Variants in TMTC2 observed in about 807,000 individuals in gnomAD.
TMTC2 encodes transmembrane O-mannosyltransferase targeting cadherins 2, also known as protein O-mannosyl-transferase TMTC2.
In TMTC2, 43 loss-of-function variants were observed where a neutral mutation model predicts 82.4. That is an observed-to-expected ratio of 0.52 (90% CI 0.41 to 0.67). TMTC2 has a LOEUF of 0.67. Ranked by LOEUF, TMTC2 falls within the 30% of genes least tolerant of loss-of-function variation. The probability of loss-of-function intolerance (pLI) is 0.00; values close to 1 mark genes in which losing one functional copy is unlikely to be tolerated. For missense variants in TMTC2, 919 were observed against 1,012.4 expected, an observed-to-expected ratio of 0.91 and a Z score of 1.25; for synonymous variants, 408 against 381.9, an observed-to-expected ratio of 1.07 and a Z score of -0.80.
intron 1 of TMTC2, among the ~76,000 whole-genome samples, chr12:82,765,523 A>G (rs2136986995): frequency 6.6e-6 from 1 of 152,160 alleles, no homozygotes; most frequent in South Asian, 2.1e-4. Flanking sequence ...ACAAATACAA[A>G]ATTAGCTGGG....
intron 8 of TMTC2, among the ~76,000 whole-genome samples, chr12:83,006,502 C>T (rs1880210986): frequency 6.6e-6 from 1 of 152,080 alleles, no homozygotes; most frequent in South Asian, 2.1e-4. Context: ...GCTGAATTTA[C>T]CTTTAAAAAA....
chr12:82,900,950 T>C (rs1223415270), intron 3 of TMTC2, among the ~76,000 whole-genome samples: 7 of 79,456 alleles, frequency 8.8e-5, no homozygotes, highest in Admixed American at 3.6e-4. Context: ...TATATATATA[T>C]CTGGAATATA....
At chr12:82,978,565 T>C (rs916832986) in intron 7 of TMTC2, among the ~76,000 whole-genome samples, 1 of 151,792 alleles carries the variant, frequency 6.6e-6, no homozygotes, top group African/African-American at 2.4e-5. Context: ...TTGATATAAT[T>C]TAAGGTTTTT....
At chr12:82,758,532 C>A (rs1876456941) in intron 1 of TMTC2, 1 of 152,068 alleles carries the variant, frequency 6.6e-6, no homozygotes, top group Non-Finnish European at 1.5e-5. Context: ...TCTGCAGTTC[C>A]ATTCCTAGGC....
At chr12:82,781,367 C>T (rs187799635) in intron 1 of TMTC2, among the ~76,000 whole-genome samples, 9 of 146,790 alleles carry the variant, frequency 6.1e-5, no homozygotes, top group African/African-American at 2.0e-4. Context: ...TTCTTTGTCA[C>T]GTTTGAATAG....
chr12:82,811,319 C>G (rs1868375322), intron 1 of TMTC2, among the ~76,000 whole-genome samples: 1 of 152,020 alleles, frequency 6.6e-6, no homozygotes, highest in African/African-American at 2.4e-5. Context: ...AATACAAGCA[C>G]CTATTTTGTA....
At chr12:82,945,475 C>T (rs968968576) in intron 4 of TMTC2, among the ~76,000 whole-genome samples, 2 of 152,134 alleles carry the variant, frequency 1.3e-5, no homozygotes, top group African/African-American at 4.8e-5. Flanking sequence ...ATAATCACAT[C>T]CTGTTTTAAT....
At chr12:82,802,403 G>T (rs2137037956) in intron 1 of TMTC2, among the ~76,000 whole-genome samples, 1 of 152,304 alleles carries the variant, frequency 6.6e-6, no homozygotes, top group South Asian at 2.1e-4. Context: ...CCACAGTGCA[G>T]TGGTGGGCTG....
At chr12:82,917,697 G>C (rs1875084812) in intron 3 of TMTC2, among the ~76,000 whole-genome samples, 2 of 151,762 alleles carry the variant, frequency 1.3e-5, no homozygotes, top group Non-Finnish European at 2.9e-5. Flanking sequence ...CGCCTCCAGG[G>C]TTCATGCCAT....
chr12:83,123,105 T>C (rs1885006280), intron 11 of TMTC2, among the ~76,000 whole-genome samples: 1 of 152,184 alleles, frequency 6.6e-6, no homozygotes, highest in Non-Finnish European at 1.5e-5. Context: ...GCCATAGAAA[T>C]GTATAACACC....
chr12:83,074,282 G>T (rs546475144), intron 11 of TMTC2, among the ~76,000 whole-genome samples: 1 of 152,100 alleles, frequency 6.6e-6, no homozygotes, highest in African/African-American at 2.4e-5. Flanking sequence ...ACCAGGCTCC[G>T]TGCTGGTACT....
intron 1 of TMTC2, among the ~76,000 whole-genome samples, chr12:82,801,884 A>G (rs1879024077): frequency 6.6e-6 from 1 of 152,158 alleles, no homozygotes; most frequent in Non-Finnish European, 1.5e-5. Context: ...TGAGCTAGAT[A>G]CAGAGTGCTG....
chr12:83,043,536 A>C (rs1881975036), intron 9 of TMTC2, among the ~76,000 whole-genome samples: 1 of 152,206 alleles, frequency 6.6e-6, no homozygotes, highest in Non-Finnish European at 1.5e-5. Context: ...GTTCTGTTTC[A>C]TGATCCAGCT....
intron 1 of TMTC2, among the ~76,000 whole-genome samples, chr12:82,768,586 T>G (rs892042753): frequency 1.3e-5 from 2 of 152,320 alleles, no homozygotes; most frequent in Middle Eastern, 3.4e-3. Context: ...GGGAGTTTTC[T>G]GGCAGTGAGT....
chr12:82,692,707 T>G (rs912241536), intron 1 of TMTC2, among the ~76,000 whole-genome samples: 3 of 152,210 alleles, frequency 2.0e-5, no homozygotes, highest in Non-Finnish European at 4.4e-5. Flanking sequence ...CTTATTTTAA[T>G]GGCTTCACAA....
At chr12:83,005,370 G>A (rs1329199066) in intron 8 of TMTC2, among the ~76,000 whole-genome samples, 2 of 151,454 alleles carry the variant, frequency 1.3e-5, no homozygotes, top group Non-Finnish European at 2.9e-5. Context: ...TGGCCGATTG[G>A]CTCCTAGCCT....
At chr12:82,735,500 C>G (rs186443522) in intron 1 of TMTC2, among the ~76,000 whole-genome samples, 1 of 151,852 alleles carries the variant, frequency 6.6e-6, no homozygotes, top group African/African-American at 2.4e-5. Flanking sequence ...CGCCCGCCAC[C>G]ACGCCCGGCT....
intron 1 of TMTC2, among the ~76,000 whole-genome samples, chr12:82,762,206 A>T (rs1876687127): frequency 6.6e-6 from 1 of 151,934 alleles, no homozygotes; most frequent in African/African-American, 2.4e-5. Context: ...TGAACTCGTG[A>T]TCCACCCACC....
At chr12:82,965,490 C>A (rs1878152729) in intron 5 of TMTC2, 70 bp from the exon 6 acceptor site, 8 of 1,536,048 alleles carry the variant, frequency 5.2e-6, no homozygotes, top group Non-Finnish European at 7.1e-6. Context: ...CAAATTGAAA[C>A]AAAGAAAACT....
Sources: gnomAD v4.1 joint callset for allele counts (sites outside exome capture counted in the v4.1 genomes callset) on GRCh38, gnomAD v4.1.1 for gene constraint, MANE v1.5 for transcripts, NCBI Gene and HGNC (gene_info 2026-07-23, HGNC 2026-07-21) for gene names.